Variants in MTHFD2L observed in about 807,000 individuals in gnomAD.
MTHFD2L encodes methylenetetrahydrofolate dehydrogenase (NADP+ dependent) 2 like, also known as bifunctional methylenetetrahydrofolate dehydrogenase/cyclohydrolase 2, mitochondrial.
In MTHFD2L, 29 loss-of-function variants were observed where a neutral mutation model predicts 34.9. That is an observed-to-expected ratio of 0.83 (90% CI 0.62 to 1.13). The LOEUF is 1.13. MTHFD2L is among the 50% of genes most tolerant of loss of function. The pLI, the probability that MTHFD2L is intolerant of heterozygous loss-of-function variation, is 0.00. For missense variants in MTHFD2L, 481 were observed against 446.5 expected (o/e 1.08, Z -0.70); for synonymous variants, 167 against 155.7 (o/e 1.07, Z -0.54).
At chr4:74,216,708 G>T (rs1248338340) in intron 5 of MTHFD2L, among the ~76,000 whole-genome samples, 1 of 151,596 alleles carries the variant, frequency 6.6e-6, no homozygotes, top group Non-Finnish European at 1.5e-5. Flanking sequence ...GGTACCATCA[G>T]TTTTTCTGAT....
intron 1 of MTHFD2L, chr4:74,162,156 CTTAATG>C (rs1721078208): frequency 6.6e-6 from 1 of 152,196 alleles, no homozygotes; most frequent in African/African-American, 2.4e-5. Context: ...AGCTGCTCCA[CTTAATG>C]TTACATCACA....
chr4:74,149,464 G>A (rs1320686989), intron 1 of MTHFD2L, among the ~76,000 whole-genome samples: 3 of 152,138 alleles, frequency 2.0e-5, no homozygotes, highest in East Asian at 1.9e-4. Context: ...GAAACACGGA[G>A]TAAAAGGGAA....
At chr4:74,136,238 C>T (rs1315337992) in intron 1 of MTHFD2L, among the ~76,000 whole-genome samples, 1 of 151,684 alleles carries the variant, frequency 6.6e-6, no homozygotes, top group African/African-American at 2.4e-5. Flanking sequence ...AAAGACTCTA[C>T]CAAAAAAAAC....
intron 5 of MTHFD2L, 83 bp downstream of exon 5, chr4:74,201,453 G>A (rs1734416459): frequency 2.0e-6 from 2 of 978,578 alleles, no homozygotes; most frequent in Non-Finnish European, 3.1e-6. Flanking sequence ...TGATAATGCA[G>A]CTTATTATAT....
At chr4:74,292,176 A>C (rs114782688) in intron 7 of MTHFD2L, among the ~76,000 whole-genome samples, 4,758 of 152,324 alleles carry the variant, frequency 0.031, 107 homozygotes, top group Non-Finnish European at 0.049. Context: ...TGTGGCTTAC[A>C]ACATGGACAG....
intron 1 of MTHFD2L, among the ~76,000 whole-genome samples, chr4:74,138,450 C>T (rs889984157): frequency 6.6e-6 from 1 of 152,126 alleles, no homozygotes; most frequent in Admixed American, 6.5e-5. Flanking sequence ...TTGGGCCATG[C>T]GGTGAGTGTT....
intron 3 of MTHFD2L, among the ~76,000 whole-genome samples, chr4:74,177,328 A>T (rs1047836446): frequency 1.2e-4 from 18 of 151,994 alleles, no homozygotes; most frequent in Non-Finnish European, 2.2e-4. Flanking sequence ...GTATTTATCA[A>T]GCAATCTTCT....
At chr4:74,130,740 A>G (rs1722429972) in intron 1 of MTHFD2L, among the ~76,000 whole-genome samples, 1 of 152,212 alleles carries the variant, frequency 6.6e-6, no homozygotes, top group African/African-American at 2.4e-5. Flanking sequence ...TGGCCAGGGC[A>G]ATCAGGCAAG....
At chr4:74,248,328 C>A (rs1049560086) in intron 6 of MTHFD2L, among the ~76,000 whole-genome samples, 16 of 152,250 alleles carry the variant, frequency 1.1e-4, no homozygotes, top group African/African-American at 3.9e-4. Context: ...GTGGTGATAT[C>A]CCCTGTATCA....
intron 5 of MTHFD2L, among the ~76,000 whole-genome samples, chr4:74,213,686 G>C (rs1470775838): frequency 2.0e-5 from 3 of 152,070 alleles, no homozygotes; most frequent in Non-Finnish European, 4.4e-5. Context: ...TATGTGTCTT[G>C]TTGTTGCTCT....
intron 1 of MTHFD2L, among the ~76,000 whole-genome samples, chr4:74,142,853 T>G (rs2109837236): frequency 6.6e-6 from 1 of 152,296 alleles, no homozygotes; most frequent in East Asian, 1.9e-4. Context: ...CCCCTGAATC[T>G]TAGTAAAGAT....
chr4:74,122,821 A>G (rs369710559), upstream of MTHFD2L, among the ~76,000 whole-genome samples: 78 of 152,324 alleles, frequency 5.1e-4, no homozygotes, highest in East Asian at 9.1e-3. Flanking sequence ...AATAAAATCT[A>G]TAGATTAGGT....
intron 5 of MTHFD2L, among the ~76,000 whole-genome samples, chr4:74,221,088 A>G (rs944998626): frequency 5.3e-5 from 8 of 151,150 alleles, no homozygotes; most frequent in African/African-American, 1.9e-4. Flanking sequence ...ATTTTTAAAA[A>G]CTTCCAATAG....
chr4:74,174,576 G>A lies in MTHFD2L; in HGVS notation c.214G>A (p.Glu72Lys), dbSNP rs889490679. 2 of 1,607,630 alleles carry A rather than the reference G, an allele frequency of 1.2e-6. No individual in the cohort carries two copies. Among genetic ancestry groups the A allele is most frequent in the Admixed American group, 1.7e-5 (1 of 58,920 alleles). Residue 72 changes from glutamate to lysine, a missense_variant, in exon 2 of 8, where the codon GAA (glutamate) becomes AAA (lysine). Glu to Lys is a moderately conservative substitution (Grantham distance 56). Coordinates refer to ENST00000325278, the MANE Select transcript of MTHFD2L (RefSeq NM_001144978.3). ...CCAGAAAGAAATACAGCGAGGTGTGGAATCATGGGTTTCCCTTGGAAACAG... is the reference window on the plus strand; with the variant it reads ...CCAGAAAGAAATACAGCGAGGTGTGAAATCATGGGTTTCCCTTGGAAACAG... ...HIQKEIQRGV[E>K]SWVSLGNRRP...
At chr4:74,136,060 G>A (rs1039919859) in intron 1 of MTHFD2L, among the ~76,000 whole-genome samples, 1 of 151,948 alleles carries the variant, frequency 6.6e-6, no homozygotes, top group African/African-American at 2.4e-5. Flanking sequence ...TTCCTCTAAA[G>A]GCTAGACCAA....
Position 74,292,820 on chromosome 4 carries a change from A to AT in MTHFD2L, c.932-8868dup, listed in dbSNP as rs934545194. Among the ~76,000 whole-genome samples, 1,002 of 151,256 alleles carry AT rather than the reference A, an allele frequency of 6.6e-3. 13 individuals are homozygous for AT. Among genetic ancestry groups the AT allele is most frequent in the African/African-American group, 0.023 (953 of 41,278 alleles). ...TCATAGCTGGAGTTCACAGAAAGCA[A>AT]TTTTTTTTTAGTAGAAATATCTTTT... is the stretch of plus-strand genomic sequence containing the variant. On this transcript the variant is annotated intron_variant, in intron 7 of 7. Transcript: ENST00000325278.
intron 1 of MTHFD2L, chr4:74,159,942 C>G (rs1305228119): frequency 1.2e-5 from 6 of 498,464 alleles, no homozygotes; most frequent in Non-Finnish European, 1.7e-5. Context: ...AATACCATCT[C>G]TGAAGGTGAG....
At chr4:74,186,438 G>GAAAAAAAAAAAAAAA (rs59325238) in intron 3 of MTHFD2L, among the ~76,000 whole-genome samples, 1 of 88,192 alleles carries the variant, frequency 1.1e-5, no homozygotes, top group Non-Finnish European at 2.0e-5. Flanking sequence ...GGGAATCCAT[G>GAAAAAAAAAAAAAAA]AAAAAAAAAA....
intron 1 of MTHFD2L, among the ~76,000 whole-genome samples, chr4:74,172,296 AAAACTT>A (rs746260756): frequency 1.6e-4 from 25 of 152,312 alleles, no homozygotes; most frequent in South Asian, 6.2e-4. Flanking sequence ...TACATATATT[AAAACTT>A]AAACTTGTAC....
Sources: allele counts gnomAD v4.1 joint callset (sites outside exome capture counted in the v4.1 genomes callset), GRCh38; gene constraint gnomAD v4.1.1; transcripts MANE v1.5; gene names NCBI Gene and HGNC (gene_info 2026-07-23, HGNC 2026-07-21).